GIGYF2: variants seen among roughly 807,000 people sequenced by gnomAD.
GIGYF2 encodes GRB10 interacting GYF protein 2.
In GIGYF2, 25 loss-of-function variants were observed where a neutral mutation model predicts 208.1. That is an observed-to-expected ratio of 0.12 (90% CI 0.09 to 0.17). GIGYF2 has a LOEUF of 0.17. Ranked by LOEUF, GIGYF2 falls within the 10% of genes least tolerant of loss-of-function variation. The pLI is 1.00. For synonymous variants in GIGYF2, 534 were observed against 543.8 expected (o/e 0.98, Z 0.25); for missense variants, 1,302 against 1,579.4 (o/e 0.82, Z 2.98).
chr2:232,808,528 T>G (rs569060876), intron 15 of GIGYF2, among the ~76,000 whole-genome samples: 1 of 152,218 alleles, frequency 6.6e-6, no homozygotes, highest in Non-Finnish European at 1.5e-5. Context: ...TAGTTTTTCA[T>G]GTAGACATTT....
intron 21 of GIGYF2, among the ~76,000 whole-genome samples, chr2:232,830,147 T>A (rs1701384880): frequency 6.6e-6 from 1 of 152,246 alleles, no homozygotes; most frequent in South Asian, 2.1e-4. Context: ...ACCTGGCTAA[T>A]TTTTACTTTA....
At chr2:232,793,256 G>T (rs1055347401) in intron 12 of GIGYF2, among the ~76,000 whole-genome samples, 4 of 152,218 alleles carry the variant, frequency 2.6e-5, no homozygotes, top group Non-Finnish European at 5.9e-5. Context: ...AGACTATCTT[G>T]TGATGACAGT....
intron 23 of GIGYF2, chr2:232,842,929 C>CT (rs974231512): frequency 2.0e-5 from 3 of 152,178 alleles, no homozygotes; most frequent in Non-Finnish European, 2.9e-5. Flanking sequence ...CTTACTGCTT[C>CT]TTTTTACAGC....
At chr2:232,823,199 G>A (rs911715759) in intron 21 of GIGYF2, among the ~76,000 whole-genome samples, 9 of 151,958 alleles carry the variant, frequency 5.9e-5, no homozygotes, top group African/African-American at 2.2e-4. Context: ...TCAACTTTGT[G>A]TTCCTGGATT....
intron 14 of GIGYF2, among the ~76,000 whole-genome samples, chr2:232,800,669 C>G (rs1250899383): frequency 6.6e-6 from 1 of 151,722 alleles, no homozygotes; most frequent in Non-Finnish European, 1.5e-5. Context: ...ACTGTAGCCT[C>G]AAACTCCTGG....
intron 2 of GIGYF2, among the ~76,000 whole-genome samples, chr2:232,715,055 T>C (rs974764329): frequency 5.3e-5 from 8 of 152,186 alleles, no homozygotes; most frequent in African/African-American, 1.7e-4. Context: ...TGTTCCTGCA[T>C]TGGTTTGCTA....
At chr2:232,720,585 T>TATATA (rs772814342) in intron 2 of GIGYF2, among the ~76,000 whole-genome samples, 101 of 126,366 alleles carry the variant, frequency 8.0e-4, no homozygotes, top group African/African-American at 1.8e-3. Context: ...ATATATATAT[T>TATATA]TTTGTTTGTT....
intron 2 of GIGYF2, among the ~76,000 whole-genome samples, chr2:232,724,879 C>T (rs1252264505): frequency 6.6e-6 from 1 of 151,918 alleles, no homozygotes. Flanking sequence ...CAAATACTTC[C>T]CTTAAAAAAA....
chr2:232,726,970 C>CT (rs919521921), intron 2 of GIGYF2, among the ~76,000 whole-genome samples: 6 of 151,282 alleles, frequency 4.0e-5, no homozygotes, highest in South Asian at 2.1e-4. Flanking sequence ...ACACAGCTTG[C>CT]TTTTTTTTTG....
Position 232,796,094 on chromosome 2 carries a change from C to G in GIGYF2, c.1512C>G (p.Asp504Glu). The change falls in exon 14 of 29, where the codon GAC becomes GAG. Residue 504 changes from aspartate (D) to glutamate (E), a missense_variant. Coordinates refer to ENST00000373563, the MANE Select transcript of GIGYF2 (RefSeq NM_001103146.3). The stretch of plus-strand genomic sequence containing the variant: ...AGAAAATGGTGGCTTATCTCCAAGA[C>G]AGTGCACTAGATGATGAAAGATTGG... ...QAEKMVAYLQ[D>E]SALDDERLAS... 1 of 1,611,110 alleles carries G rather than the reference C, an allele frequency of 6.2e-7. No individual in the cohort carries two copies. Among genetic ancestry groups the G allele is most frequent in the Non-Finnish European group, 8.5e-7 (1 of 1,177,350 alleles).
rs1574860488 is a variant in GIGYF2, at chr2:232,770,808, A to G, written c.532+9372A>G. The G allele has an allele frequency of 3.7e-6, 3 of 809,964 alleles. No homozygotes were observed. The South Asian group carries it at 4.6e-5, about 13-fold the overall frequency. The allele number at this position is 809,964 out of a possible 1,614,324, so 50.2% of individuals were successfully genotyped here. A position where few individuals can be genotyped will look rare whatever the true frequency, so the allele number is the denominator to read the frequency against. ...TATAGATAAATTATTCTGTAACAGC[A>G]TTACTTATAACTGACTATACCCTTT... On this transcript the variant is annotated intron_variant, in intron 8 of 28. Transcript: ENST00000373563.
intron 14 of GIGYF2, among the ~76,000 whole-genome samples, chr2:232,804,324 T>C (rs926007323): frequency 6.6e-6 from 1 of 151,962 alleles, no homozygotes; most frequent in South Asian, 2.1e-4. Context: ...CTTTCATCAG[T>C]GTTGCGTAGT....
chr2:232,845,981 A>G (rs1701989911), intron 26 of GIGYF2, 95 bp downstream of exon 26: 8 of 824,350 alleles, frequency 9.7e-6, no homozygotes, highest in Middle Eastern at 2.3e-4. Context: ...AAGTCAAAAG[A>G]TGAAATCTAA....
intron 2 of GIGYF2, among the ~76,000 whole-genome samples, chr2:232,726,935 A>C (rs1283184382): frequency 2.0e-5 from 3 of 152,190 alleles, no homozygotes; most frequent in Non-Finnish European, 4.4e-5. Flanking sequence ...AAAAAAGTAA[A>C]GGTCATCCAT....
chr2:232,795,037 C>T, intron 13 of GIGYF2, 93 bp downstream of exon 13: 1 of 960,850 alleles, frequency 1.0e-6, no homozygotes, highest in South Asian at 1.3e-5. Context: ...ACTTTTGTCA[C>T]TAGATTTTAA....
At chr2:232,818,995 G>A (rs1368014858) in intron 20 of GIGYF2, among the ~76,000 whole-genome samples, 1 of 149,464 alleles carries the variant, frequency 6.7e-6, no homozygotes, top group Non-Finnish European at 1.5e-5. Context: ...TTCTTTTTTT[G>A]TTGTTGGGGG....
At chr2:232,800,107 T>G (rs1046354880) in intron 14 of GIGYF2, among the ~76,000 whole-genome samples, 2 of 151,832 alleles carry the variant, frequency 1.3e-5, no homozygotes, top group African/African-American at 4.9e-5. Flanking sequence ...TGTCTTGTCA[T>G]GCACTTTTTT....
intron 23 of GIGYF2, among the ~76,000 whole-genome samples, chr2:232,840,992 G>T (rs7587309): frequency 0.67 from 101,709 of 151,772 alleles, 34,387 homozygotes; most frequent in Admixed American, 0.7. Context: ...GTGTTTACCA[G>T]GTAGTGTGCT....
chr2:232,812,411 T>C lies in GIGYF2; in HGVS notation c.2027T>C (p.Ile676Thr). The stretch of plus-strand genomic sequence containing the variant: ...TGCAGAATATCTGATCAGAACATCA[T>C]TCCCTCAGTAACTAGGTCTGTGTCC... ...LKMRISDQNIIPSVTRSVSVP... is the reference protein window; with the variant it reads ...LKMRISDQNITPSVTRSVSVP... Residue 676 changes from isoleucine to threonine, a missense_variant, in exon 18 of 29, where the codon ATT becomes ACT. Physicochemically the swap from Ile to Thr is moderately conservative, Grantham distance 89. Transcript: ENST00000373563. 1 of 1,456,322 alleles carries C rather than the reference T, an allele frequency of 6.9e-7. No individual in the cohort carries two copies. Among genetic ancestry groups the C allele is most frequent in the Non-Finnish European group, 9.6e-7 (1 of 1,036,510 alleles). The allele number at this position is 1,456,322 out of a possible 1,614,324, so 90.2% of individuals were successfully genotyped here. A position where few individuals can be genotyped will look rare whatever the true frequency, so the allele number is the denominator to read the frequency against.
Sources: gnomAD v4.1 joint callset for allele counts (sites outside exome capture counted in the v4.1 genomes callset) on GRCh38, gnomAD v4.1.1 for gene constraint, MANE v1.5 for transcripts, NCBI Gene and HGNC (gene_info 2026-07-23, HGNC 2026-07-21) for gene names.